Variants in P4HA1 observed in about 807,000 individuals in gnomAD.
The protein encoded by P4HA1 is prolyl 4-hydroxylase subunit alpha 1.
P4HA1 carries 24 observed loss-of-function variants against 72.8 expected under a neutral mutation model. The observed-to-expected ratio is 0.33, with a 90% CI of 0.24 to 0.46. P4HA1 has a LOEUF of 0.46. P4HA1 is among the 20% of genes least tolerant of loss of function. P4HA1 has a pLI of 1.00. For missense variants in P4HA1, 446 were observed against 640.6 expected (o/e 0.70, Z 3.28); for synonymous variants, 201 against 218.8 (o/e 0.92, Z 0.72).
chr10:73,066,838 CCT>C lies in P4HA1; in HGVS notation c.463+2006_463+2007del, dbSNP rs1841435253. Among the ~76,000 whole-genome samples, 3 of 152,202 alleles carry C rather than the reference CCT, an allele frequency of 2.0e-5. No homozygotes were observed. The South Asian group carries it at 6.2e-4, about 32-fold the overall frequency. On this transcript the variant is annotated intron_variant, in intron 5 of 14. Coordinates refer to ENST00000394890, the MANE Select transcript of P4HA1 (RefSeq NM_001017962.3). ...TGGCCCTCATTCTCTTTCCTGCCACCCTGTGAAGAAGTGCCTTCTGCCATGAT... is the reference window on the plus strand; with the variant it reads ...TGGCCCTCATTCTCTTTCCTGCCACCGTGAAGAAGTGCCTTCTGCCATGAT...
intron 5 of P4HA1, among the ~76,000 whole-genome samples, chr10:73,056,290 G>A (rs1300876845): frequency 6.6e-6 from 1 of 152,128 alleles, no homozygotes; most frequent in Non-Finnish European, 1.5e-5. Context: ...TAATTTCAAT[G>A]CTATAGAGAA....
rs186086709 is a variant in P4HA1 at position 73,070,248 on chromosome 10, C to A, written c.326-1265G>T. Among the ~76,000 whole-genome samples, 260 of 144,452 alleles carry A rather than the reference C, an allele frequency of 1.8e-3. 1 individual carries two copies. The highest frequency in any genetic ancestry group is 6.1e-3 in the African/African-American group (241 of 39,192). The allele number at this position is 144,452 out of a possible 152,430, so 94.8% of individuals were successfully genotyped here. A position where few individuals can be genotyped will look rare whatever the true frequency, so the allele number is the denominator to read the frequency against. ...TCTTGGCTCATGGCAACCTCCAACT[C>A]CCGGTTCAAGCAATTCTCCTGCCTC... On this transcript the variant is annotated intron_variant, in intron 4 of 14. Coordinates refer to ENST00000394890, the MANE Select transcript of P4HA1 (RefSeq NM_001017962.3).
At chr10:73,087,432 C>A (rs191892713) in intron 1 of P4HA1, among the ~76,000 whole-genome samples, 36 of 152,006 alleles carry the variant, frequency 2.4e-4, no homozygotes, top group African/African-American at 7.0e-4. Flanking sequence ...CCACACCTGA[C>A]CAATTTTGTA....
At position 73,042,431 on chromosome 10, in the gene P4HA1, G is replaced by A. The variant is rs528198514; in HGVS notation, c.1148+2550C>T. ...TCCTAAAATGCCTGTTAAAATCTAT[G>A]TTTGCCTTTGCATAAATTTTTTAGT... On this transcript the variant is annotated intron_variant, in intron 9 of 14. Coordinates refer to ENST00000394890, the MANE Select transcript of P4HA1 (RefSeq NM_001017962.3). 3.5e-3 allele frequency among the ~76,000 whole-genome samples: 527 copies of A among 152,170 alleles called. 1 individual carries two copies. The highest frequency in any genetic ancestry group is 0.01 in the Middle Eastern group (3 of 294).
intron 1 of P4HA1, among the ~76,000 whole-genome samples, chr10:73,080,930 A>C (rs193142725): frequency 1.1e-4 from 16 of 152,346 alleles, no homozygotes; most frequent in African/African-American, 3.8e-4. Flanking sequence ...TCCATCTCAA[A>C]AACAAAAACA....
intron 1 of P4HA1, among the ~76,000 whole-genome samples, chr10:73,081,723 G>T (rs1226826928): frequency 1.3e-5 from 2 of 152,166 alleles, no homozygotes; most frequent in Non-Finnish European, 2.9e-5. Flanking sequence ...GTGCAAAAGT[G>T]ATATGCCATT....
chr10:73,039,036 T>G (rs1364179694), intron 9 of P4HA1, among the ~76,000 whole-genome samples: 1 of 152,184 alleles, frequency 6.6e-6, no homozygotes, highest in Non-Finnish European at 1.5e-5. Flanking sequence ...CTCGCGCCTG[T>G]AATACCAATA....
At chr10:73,008,503 GTGTATGTACATACA>G (rs1296626408) in intron 14 of P4HA1, among the ~76,000 whole-genome samples, 1 of 152,094 alleles carries the variant, frequency 6.6e-6, no homozygotes, top group Admixed American at 6.5e-5. Context: ...ACTTGTGTGC[GTGTATGTACATACA>G]TGTATGTATA....
Position 73,009,882 on chromosome 10 carries a change from T to C in P4HA1, c.1459A>G (p.Asn487Asp). 1.2e-6 allele frequency: 2 copies of C among 1,607,808 alleles called. No homozygotes were observed. Among genetic ancestry groups the C allele is most frequent in the Non-Finnish European group, 1.7e-6 (2 of 1,174,328 alleles). Residue 487 changes from asparagine (N) to aspartate (D), a missense_variant, in exon 14 of 15, where the codon AAT becomes GAT. Coordinates refer to ENST00000394890, the MANE Select transcript of P4HA1 (RefSeq NM_001017962.3). ...PKKGTAVFWY[N>D]LFASGEGDYS... ...TCTCCTTCTCCACTGGCAAACAGAT[T>C]ATACCAGAAAACAGCAGTTCCCTAT...
At chr10:73,011,168 C>G in intron 12 of P4HA1, 131 bp from the exon 13 acceptor site, 1 of 576,310 alleles carries the variant, frequency 1.7e-6, no homozygotes, top group Non-Finnish European at 3.0e-6. Flanking sequence ...ATGGTTGGTA[C>G]ATGCTACTCA....
At chr10:73,072,261 T>A (rs1013919708) in intron 3 of P4HA1, 81 bp from the exon 4 acceptor site, 10 of 1,162,014 alleles carry the variant, frequency 8.6e-6, no homozygotes, top group African/African-American at 6.2e-5. Flanking sequence ...AGAAAAAAAA[T>A]GACTAGAAGT....
At chr10:73,027,810 AAGGAAGGAAGGGAGAGAGAG>A (rs1266924491) in intron 10 of P4HA1, among the ~76,000 whole-genome samples, 38 of 134,306 alleles carry the variant, frequency 2.8e-4, no homozygotes, top group African/African-American at 8.6e-4. Context: ...GGAAATATGG[AAGGAAGGAAGGGAGAGAGAG>A]AGGAAGGAAG....
At chr10:73,068,425 A>G (rs906780923) in intron 5 of P4HA1, among the ~76,000 whole-genome samples, 5 of 152,206 alleles carry the variant, frequency 3.3e-5, no homozygotes, top group Non-Finnish European at 5.9e-5. Context: ...GTTCCATACT[A>G]TGGAACACTT....
At chr10:73,011,704 T>G (rs938684153) in intron 12 of P4HA1, among the ~76,000 whole-genome samples, 2 of 151,994 alleles carry the variant, frequency 1.3e-5, no homozygotes, top group African/African-American at 4.8e-5. Context: ...TAAAGCAACA[T>G]AAGTAGAATG....
intron 7 of P4HA1, among the ~76,000 whole-genome samples, chr10:73,049,704 CAA>C (rs1319587732): frequency 6.6e-6 from 1 of 152,102 alleles, no homozygotes; most frequent in Non-Finnish European, 1.5e-5. Flanking sequence ...ATATTAAAGA[CAA>C]AATCTGTTGA....
chr10:73,070,725 C>T (rs1295037794), intron 4 of P4HA1, among the ~76,000 whole-genome samples: 1 of 152,066 alleles, frequency 6.6e-6, no homozygotes, highest in Non-Finnish European at 1.5e-5. Flanking sequence ...GCTATAATAT[C>T]TCTTATGCTA....
chr10:73,058,327 G>C (rs117363380), intron 5 of P4HA1, among the ~76,000 whole-genome samples: 1 of 152,048 alleles, frequency 6.6e-6, no homozygotes, highest in African/African-American at 2.4e-5. Context: ...TCAGTCCCAC[G>C]AATGCCTGCT....
chr10:73,064,386 G>A (rs891890903), intron 5 of P4HA1, among the ~76,000 whole-genome samples: 5 of 152,030 alleles, frequency 3.3e-5, no homozygotes, highest in Non-Finnish European at 7.4e-5. Flanking sequence ...GAGGTAGGAG[G>A]ATCACCTTAG....
Position 73,007,678 on chromosome 10 carries a change from C to T in P4HA1, c.*544G>A, listed in dbSNP as rs1391965425. The T allele has an allele frequency of 2.0e-5, 3 of 151,768 alleles. No homozygotes were observed. Among genetic ancestry groups the T allele is most frequent in the Non-Finnish European group, 4.4e-5 (3 of 67,994 alleles). The allele number at this position is 151,768 out of a possible 1,614,324, so 9.4% of individuals were successfully genotyped here. The stretch of plus-strand genomic sequence containing the variant: ...GAGGGGGTTGGTAAAATACAGTATA[C>T]TTTCTTTAAAAAAGACTTGGGAGGA... On this transcript the variant is annotated 3_prime_UTR_variant, in exon 15 of 15. Transcript: ENST00000394890.
Sources: allele counts gnomAD v4.1 joint callset (sites outside exome capture counted in the v4.1 genomes callset), GRCh38; gene constraint gnomAD v4.1.1; transcripts MANE v1.5; gene names NCBI Gene and HGNC (gene_info 2026-07-23, HGNC 2026-07-21).